CASR: variants seen among roughly 807,000 people sequenced by gnomAD.
CASR encodes the protein calcium sensing receptor.
A neutral mutation model predicts 69.1 loss-of-function variants in CASR; 23 were observed. The observed-to-expected ratio is 0.33, with a 90% CI of 0.24 to 0.47. The LOEUF (loss-of-function observed/expected upper bound fraction) is 0.47, where lower values mean the gene tolerates loss of function less well. CASR is among the 20% of genes least tolerant of loss of function. The probability of loss-of-function intolerance (pLI) is 1.00; values close to 1 mark genes in which losing one functional copy is unlikely to be tolerated. For synonymous variants in CASR, 541 were observed against 544.7 expected, an observed-to-expected ratio of 0.99 and a Z score of 0.10; for missense variants, 924 against 1,356.1, an observed-to-expected ratio of 0.68 and a Z score of 5.00.
At position 122,284,190 on chromosome 3, in the gene CASR, G is replaced by A. The variant is rs562364178; in HGVS notation, c.2236G>A (p.Ala746Thr). 5.6e-6 allele frequency: 9 copies of A among 1,613,856 alleles called. No individual in the cohort carries two copies. Among genetic ancestry groups the A allele is most frequent in the South Asian group, 1.1e-5 (1 of 91,074 alleles). Residue 746 changes from alanine to threonine, a missense_variant, in exon 7 of 7, where the codon GCG (alanine) becomes ACG (threonine). Physicochemically the swap from Ala to Thr is moderately conservative, Grantham distance 58. Coordinates refer to ENST00000639785, the MANE Select transcript of CASR (RefSeq NM_000388.4). ...IVICVIWLYTAPPSSYRNQEL... is the reference protein window; with the variant it reads ...IVICVIWLYTTPPSSYRNQEL... Reference sequence around the variant, plus strand: ...CATCTGTGTGATCTGGCTCTACACCGCGCCCCCGTCAAGCTACCGCAACCA... The same window carrying A: ...CATCTGTGTGATCTGGCTCTACACCACGCCCCCGTCAAGCTACCGCAACCA...
intron 1 of CASR, among the ~76,000 whole-genome samples, chr3:122,196,267 G>C (rs2073887822): frequency 6.6e-6 from 1 of 151,912 alleles, no homozygotes; most frequent in South Asian, 2.1e-4. Flanking sequence ...ATATGGTATG[G>C]TAAATAACAT....
chr3:122,290,728 ATTC>A lies in CASR; in HGVS notation c.*5540_*5542del, dbSNP rs1475713095. 2 of 151,914 alleles carry A rather than the reference ATTC, an allele frequency of 1.3e-5. No individual in the cohort carries two copies. The highest frequency in any genetic ancestry group is 2.9e-5 in the Non-Finnish European group (2 of 67,940). The allele number at this position is 151,914 out of a possible 1,614,324, so 9.4% of individuals were successfully genotyped here. A position where few individuals can be genotyped will look rare whatever the true frequency, so the allele number is the denominator to read the frequency against. On this transcript the variant is annotated 3_prime_UTR_variant, in exon 7 of 7. Transcript: ENST00000639785. ...TCACCCCTCCTCCAAATTTTTCTTT[ATTC>A]TTTTTTTTTTATTATACTTTAAGTT... is the stretch of plus-strand genomic sequence containing the variant.
chr3:122,186,036 A>T (rs1188799893), intron 1 of CASR, among the ~76,000 whole-genome samples: 1 of 152,026 alleles, frequency 6.6e-6, no homozygotes, highest in Non-Finnish European at 1.5e-5. Flanking sequence ...AGACCAAAAC[A>T]TAGTAAGTGA....
intron 1 of CASR, among the ~76,000 whole-genome samples, chr3:122,214,873 C>T (rs948398492): frequency 1.6e-5 from 2 of 121,864 alleles, no homozygotes; most frequent in Admixed American, 9.6e-5. Flanking sequence ...AAGGGTCACA[C>T]GAAAGCCCAT....
At chr3:122,260,990 G>A (rs778243742) in intron 3 of CASR, among the ~76,000 whole-genome samples, 37 of 152,156 alleles carry the variant, frequency 2.4e-4, no homozygotes, top group Non-Finnish European at 4.7e-4. Flanking sequence ...AATTCCCGGG[G>A]ACTCCTCTGA....
intron 4 of CASR, among the ~76,000 whole-genome samples, chr3:122,270,846 T>C (rs974516980): frequency 1.3e-5 from 2 of 152,232 alleles, no homozygotes; most frequent in African/African-American, 2.4e-5. Flanking sequence ...TTTAATTCCA[T>C]TGGAGTCAAC....
At chr3:122,255,809 G>A (rs1204094362) in intron 2 of CASR, among the ~76,000 whole-genome samples, 1 of 152,128 alleles carries the variant, frequency 6.6e-6, no homozygotes, top group Non-Finnish European at 1.5e-5. Context: ...GTTAGACCAA[G>A]AGCTTAGGGA....
rs371934778 is a variant in CASR at position 122,252,354 on chromosome 3, A to G, written c.-242-1594A>G. On this transcript the variant is annotated intron_variant, in intron 1 of 6. Transcript: ENST00000639785. ...AGAGAGAGAAAGAAAGAAGAAAGAA[A>G]GAAAGAAAGAAGGAAGGAAGGAAGG... 3.0e-4 allele frequency among the ~76,000 whole-genome samples: 18 copies of G among 59,732 alleles called. No homozygotes were observed. The South Asian group carries it at 3.4e-3, about 11-fold the overall frequency. The allele number at this position is 59,732 out of a possible 152,430, so 39.2% of individuals were successfully genotyped here.
At chr3:122,198,110 C>A (rs1252652508) in intron 1 of CASR, among the ~76,000 whole-genome samples, 1 of 152,126 alleles carries the variant, frequency 6.6e-6, no homozygotes, top group Non-Finnish European at 1.5e-5. Flanking sequence ...ACTGAAACAA[C>A]ATCAATTAGC....
At chr3:122,265,850 G>C (rs930292826) in intron 4 of CASR, among the ~76,000 whole-genome samples, 19 of 152,198 alleles carry the variant, frequency 1.2e-4, no homozygotes, top group Non-Finnish European at 2.6e-4. Context: ...CCATGGTGAA[G>C]ATGGAAGTCA....
chr3:122,196,506 G>C (rs1023774031), intron 1 of CASR, among the ~76,000 whole-genome samples: 1 of 151,506 alleles, frequency 6.6e-6, no homozygotes, highest in Admixed American at 6.6e-5. Flanking sequence ...TTTTGGTTTT[G>C]GTTTTTGGGG....
intron 3 of CASR, among the ~76,000 whole-genome samples, chr3:122,260,375 C>T (rs1276964031): frequency 6.6e-6 from 1 of 152,246 alleles, no homozygotes; most frequent in Non-Finnish European, 1.5e-5. Flanking sequence ...CACACCCTTG[C>T]TCAGATGCAG....
At chr3:122,277,326 C>T (rs1170949339) in intron 5 of CASR, among the ~76,000 whole-genome samples, 20 of 152,084 alleles carry the variant, frequency 1.3e-4, no homozygotes, top group Admixed American at 1.2e-3. Flanking sequence ...AGATGACAGA[C>T]GTGAGCCACC....
chr3:122,248,676 T>C (rs976998800), intron 1 of CASR, among the ~76,000 whole-genome samples: 3 of 151,964 alleles, frequency 2.0e-5, no homozygotes. Flanking sequence ...TGCCTTTAAT[T>C]TACTGAGTGA....
At chr3:122,245,221 G>A (rs960059648) in intron 1 of CASR, among the ~76,000 whole-genome samples, 3 of 152,116 alleles carry the variant, frequency 2.0e-5, no homozygotes, top group Non-Finnish European at 4.4e-5. Context: ...CTATTGTCTA[G>A]GGACTAATGA....
In CASR at chr3:122,221,169, G is replaced by A. The variant is rs571692577; in HGVS notation, c.-242-32779G>A. Among the ~76,000 whole-genome samples the A allele has an allele frequency of 2.4e-3, 363 of 152,256 alleles. 1 individual carries two copies. The highest frequency in any genetic ancestry group is 0.02 in the Middle Eastern group (6 of 294). ...TCCAAATATTGGGAATCCAGCATGA[G>A]GCAGAGTGTAGAAAGAGACATTGAG... On this transcript the variant is annotated intron_variant, in intron 1 of 6. Transcript: ENST00000639785.
intron 1 of CASR, among the ~76,000 whole-genome samples, chr3:122,205,537 G>A (rs7614486): frequency 6.6e-6 from 1 of 151,800 alleles, no homozygotes; most frequent in Non-Finnish European, 1.5e-5. Context: ...TCTTTGCTCT[G>A]TGGCTATTCA....
intron 1 of CASR, among the ~76,000 whole-genome samples, chr3:122,229,792 GT>G (rs1451959553): frequency 1.3e-5 from 2 of 152,192 alleles, no homozygotes; most frequent in African/African-American, 4.8e-5. Context: ...AACCTGGGAG[GT>G]GGAAGCCACA....
intron 1 of CASR, among the ~76,000 whole-genome samples, chr3:122,207,453 T>C (rs760496559): frequency 1.4e-4 from 21 of 152,128 alleles, no homozygotes; most frequent in Non-Finnish European, 2.8e-4. Flanking sequence ...TTTTAAAAAA[T>C]AGAAATTATA....
Sources: gnomAD v4.1 joint callset for allele counts (sites outside exome capture counted in the v4.1 genomes callset) on GRCh38, gnomAD v4.1.1 for gene constraint, MANE v1.5 for transcripts, NCBI Gene and HGNC (gene_info 2026-07-23, HGNC 2026-07-21) for gene names.